SLC25A41: variants seen among roughly 807,000 people sequenced by gnomAD.
SLC25A41 encodes mitochondrial carrier protein SCaMC-3L.
In SLC25A41, 35 loss-of-function variants were observed where a neutral mutation model predicts 34.7. That is an observed-to-expected ratio of 1.01 (90% CI 0.77 to 1.34). SLC25A41 has a LOEUF of 1.34. SLC25A41 is among the 40% of genes most tolerant of loss of function. SLC25A41 has a pLI of 0.00. For missense variants in SLC25A41, 492 were observed against 489.8 expected (o/e 1.00, Z -0.04); for synonymous variants, 190 against 209.9 (o/e 0.91, Z 0.82).
In SLC25A41 at chr19:6,427,206, G is replaced by A. The variant is rs2092246125; in HGVS notation, c.837C>T (p.Asp279=). 2 of 1,612,586 alleles carry A rather than the reference G, an allele frequency of 1.2e-6. No individual in the cohort carries two copies. Among genetic ancestry groups the A allele is most frequent in the African/African-American group, 1.3e-5 (1 of 74,928 alleles). The change falls in exon 6 of 7, where the codon GAC becomes GAT. Residue 279 remains aspartate, a synonymous_variant. Coordinates refer to ENST00000321510, the MANE Select transcript of SLC25A41 (RefSeq NM_173637.4). The surrounding 1 kb of genome is among the most constrained non-coding windows in gnomAD (Gnocchi z 4.9). The stretch of plus-strand genomic sequence containing the variant: ...ACGACAGACTGACCAGGCCACTGGG[G>A]TCCCCCATATCCCTGCCTGACTTCA... The part of the protein sequence containing the change: ...FWVKSGRDMG[D]PSGLVSLSSV...
upstream of SLC25A41, among the ~76,000 whole-genome samples, chr19:6,434,442 G>A (rs773833951): frequency 1.3e-5 from 2 of 152,156 alleles, no homozygotes; most frequent in Non-Finnish European, 2.9e-5. Flanking sequence ...GGCATGGCAG[G>A]AAGAAATCCC....
At position 6,427,595 on chromosome 19, in the gene SLC25A41, T is replaced by C. The variant is rs1430495069; in HGVS notation, c.625-94A>G. The C allele has an allele frequency of 1.5e-6, 2 of 1,352,250 alleles. No individual in the cohort carries two copies. The highest frequency in any genetic ancestry group is 1.9e-6 in the Non-Finnish European group (2 of 1,030,262). 83.8% of individuals were successfully genotyped at this position (1,352,250 alleles called of 1,614,324 possible). On this transcript the variant is annotated intron_variant, in intron 4 of 6. Transcript: ENST00000321510. This position sits in a 1 kb window ranked among gnomAD's most constrained non-coding sequence, Gnocchi z 4.9. ...GTCCCCACCCTACAAACAAGGAAAA[T>C]GAGGCTCAGGAAGGCAAAGAGCTGG...
chr19:6,435,592 C>T (rs111886400), upstream of SLC25A41, among the ~76,000 whole-genome samples: 8,647 of 152,108 alleles, frequency 0.057, 457 homozygotes, highest in African/African-American at 0.14. Context: ...TGTGGTGGTG[C>T]ATACCTGTAA....
Position 6,430,030 on chromosome 19 carries a change from G to T in SLC25A41, c.495C>A (p.Ile165=). Residue 165 remains isoleucine (I), a synonymous_variant, in exon 3 of 7, where the codon ATC becomes ATA. Transcript: ENST00000321510. The part of the protein sequence containing the change: ...NVLKIAPEYA[I]KFSVFEQCKN... ...CCACCTGCTCGAATACGGAGAACTTGATGGCATACTCAGGAGCAATCTTGA... is the reference window on the plus strand; with the variant it reads ...CCACCTGCTCGAATACGGAGAACTTTATGGCATACTCAGGAGCAATCTTGA... 3.1e-6 allele frequency: 5 copies of T among 1,612,574 alleles called. No individual in the cohort carries two copies. The highest frequency in any genetic ancestry group is 4.2e-6 in the Non-Finnish European group (5 of 1,179,290).
rs780328951 is a variant in SLC25A41, at chr19:6,430,136, G to C, written c.389C>G (p.Thr130Ser). Residue 130 changes from threonine to serine, a missense_variant, in exon 3 of 7, where the codon ACC becomes AGC. Thr to Ser is a moderately conservative substitution (Grantham distance 58). Coordinates refer to ENST00000321510, the MANE Select transcript of SLC25A41 (RefSeq NM_173637.4). ...GCTCTGTAGCCCCCCCAGCAGGTTG[G>C]TGAAGTTCGTCTTGGAGGAGTAGAC... Reference protein sequence around the residue: ...MQVYSSKTNFTNLLGGLQSMV... With the variant: ...MQVYSSKTNFSNLLGGLQSMV... 1.2e-5 allele frequency: 20 copies of C among 1,612,912 alleles called. No individual in the cohort carries two copies. Among genetic ancestry groups the C allele is most frequent in the African/African-American group, 4.0e-5 (3 of 74,896 alleles).
chr19:6,432,565 A>G (rs188689567), intron 1 of SLC25A41, among the ~76,000 whole-genome samples: 1,532 of 141,588 alleles, frequency 0.011, 18 homozygotes, highest in South Asian at 0.03. Flanking sequence ...CAAGTGATTC[A>G]ACCCTCCCCC....
At chr19:6,429,026 T>TATATATATATATATATATA (rs1568349255) in intron 4 of SLC25A41, among the ~76,000 whole-genome samples, 2 of 33,098 alleles carry the variant, frequency 6.0e-5, no homozygotes, top group African/African-American at 4.2e-4. Flanking sequence ...TGAAAATTTA[T>TATATATATATATATATATA]ATATATATAT....
In SLC25A41 at chr19:6,427,785, G is replaced by C. The variant is rs192735390; in HGVS notation, c.625-284C>G. On this transcript the variant is annotated intron_variant, in intron 4 of 6. Coordinates refer to ENST00000321510, the MANE Select transcript of SLC25A41 (RefSeq NM_173637.4). This position sits in a 1 kb window ranked among gnomAD's most constrained non-coding sequence, Gnocchi z 4.9. ...GAGGATCGCTTGAGGCCGGGAGTTC[G>C]AGACCAGCCTGGGCAACATAGCGAG... 3.5e-4 allele frequency among the ~76,000 whole-genome samples: 53 copies of C among 152,242 alleles called. 1 individual carries two copies. Among genetic ancestry groups the C allele is most frequent in the Non-Finnish European group, 6.9e-4 (47 of 68,010 alleles).
Position 6,432,088 on chromosome 19 carries a change from C to G in SLC25A41, c.324G>C (p.Thr108=), listed in dbSNP as rs772862239. The part of the protein sequence containing the change: ...SGAMAGAVSR[T]GTAPLDRAKV... ...TGGCTCTGTCCAGAGGTGCCGTGCC[C>G]GTGCGAGACACCGCCCCGGCCATAG... The change falls in exon 2 of 7, where the codon ACG becomes ACC. Residue 108 remains threonine (T), a synonymous_variant. Coordinates refer to ENST00000321510, the MANE Select transcript of SLC25A41 (RefSeq NM_173637.4). 1.9e-6 allele frequency: 3 copies of G among 1,613,812 alleles called. No individual in the cohort carries two copies. The highest frequency in any genetic ancestry group is 2.2e-5 in the East Asian group (1 of 44,876).
intron 1 of SLC25A41, 31 bp downstream of exon 1, chr19:6,433,456 G>A (rs367568888): frequency 9.3e-6 from 15 of 1,604,358 alleles, no homozygotes; most frequent in Non-Finnish European, 1.3e-5. Flanking sequence ...CTGACCAGAG[G>A]TGCCGGGACA....
At position 6,426,321 on chromosome 19, in the gene SLC25A41, T is replaced by C. The variant is rs912494911; in HGVS notation, c.*68A>G. On this transcript the variant is annotated 3_prime_UTR_variant, in exon 7 of 7. Transcript: ENST00000321510. Reference sequence around the variant, plus strand: ...CTGAACCTTGAGGCCTCGAGGGCTCTTTGGGGCCAGGGGTCATCAGGTCCT... The same window carrying C: ...CTGAACCTTGAGGCCTCGAGGGCTCCTTGGGGCCAGGGGTCATCAGGTCCT... 3 of 1,378,698 alleles carry C rather than the reference T, an allele frequency of 2.2e-6. No homozygotes were observed. The highest frequency in any genetic ancestry group is 2.1e-5 in the Admixed American group (1 of 47,452). The allele number at this position is 1,378,698 out of a possible 1,614,324, so 85.4% of individuals were successfully genotyped here.
chr19:6,428,958 C>T (rs2092257136), intron 4 of SLC25A41, among the ~76,000 whole-genome samples: 2 of 130,240 alleles, frequency 1.5e-5, no homozygotes, highest in African/African-American at 5.7e-5. Context: ...GCAAGCAGTC[C>T]TCCCAGCTCA....
In SLC25A41 at chr19:6,432,701, G is replaced by A. The variant is rs115931037; in HGVS notation, c.208-497C>T. ...TGTCCCCCTGGTTCAAGCGATTCTCGTGTCTCAGCTTCCCAAGTAGGGACA... is the reference window on the plus strand; with the variant it reads ...TGTCCCCCTGGTTCAAGCGATTCTCATGTCTCAGCTTCCCAAGTAGGGACA... On this transcript the variant is annotated intron_variant, in intron 1 of 6. Coordinates refer to ENST00000321510, the MANE Select transcript of SLC25A41 (RefSeq NM_173637.4). 8.6e-3 allele frequency among the ~76,000 whole-genome samples: 1,303 copies of A among 151,098 alleles called. 15 individuals carry two copies. The highest frequency in any genetic ancestry group is 0.028 in the African/African-American group (1,171 of 41,136).
In SLC25A41 at chr19:6,427,700, A is replaced by T. The variant is rs2092250288; in HGVS notation, c.625-199T>A. Among the ~76,000 whole-genome samples the T allele has an allele frequency of 6.6e-6, 1 of 152,236 alleles. No individual in the cohort carries two copies. On this transcript the variant is annotated intron_variant, in intron 4 of 6. Coordinates refer to ENST00000321510, the MANE Select transcript of SLC25A41 (RefSeq NM_173637.4). This position sits in a 1 kb window ranked among gnomAD's most constrained non-coding sequence, Gnocchi z 4.9. ...TGAAGCACAAATGCTGGCAAAGGCC[A>T]AGAGAGTGAGGGAAGAAGGCTCACG... is the stretch of plus-strand genomic sequence containing the variant.
upstream of SLC25A41, among the ~76,000 whole-genome samples, chr19:6,435,727 T>G (rs950726392): frequency 6.6e-6 from 1 of 152,062 alleles, no homozygotes; most frequent in Non-Finnish European, 1.5e-5. Flanking sequence ...TGTGGTCATG[T>G]GCACCTGTAG....
In SLC25A41 at chr19:6,433,645, T is replaced by G. The variant is rs1201452033; in HGVS notation, c.49A>C (p.Thr17Pro). 1 of 1,600,456 alleles carries G rather than the reference T, an allele frequency of 6.2e-7. No homozygotes were observed. The highest frequency in any genetic ancestry group is 1.1e-5 in the South Asian group (1 of 89,766). Residue 17 changes from threonine (T) to proline (P), a missense_variant, in exon 1 of 7, where the codon ACA becomes CCA. Coordinates refer to ENST00000321510, the MANE Select transcript of SLC25A41 (RefSeq NM_173637.4). Reference sequence around the variant, plus strand: ...AAGGTCTTGACCCTCCTAAACAGTGTCTGGATCCTAGAGCAAGTGTTCTGA... The same window carrying G: ...AAGGTCTTGACCCTCCTAAACAGTGGCTGGATCCTAGAGCAAGTGTTCTGA... ...EPQNTCSRIQ[T>P]LFRRVKTLLI...
chr19:6,434,133 C>T (rs969611604), upstream of SLC25A41, among the ~76,000 whole-genome samples: 7 of 152,002 alleles, frequency 4.6e-5, no homozygotes, highest in African/African-American at 7.2e-5. Flanking sequence ...TTAGTAGAGA[C>T]GGGGTTTCAC....
chr19:6,435,628 G>A (rs1335306669), upstream of SLC25A41, among the ~76,000 whole-genome samples: 2 of 151,936 alleles, frequency 1.3e-5, no homozygotes, highest in Admixed American at 6.6e-5. Context: ...AGGCTGAGGC[G>A]GGAGGATCAC....
Position 6,427,618 on chromosome 19 carries a change from T to C in SLC25A41, c.625-117A>G. ...AATGAGGCTCAGGAAGGCAAAGAGC[T>C]GGGTTTCAGACCCGGATCTGTCAGA... is the stretch of plus-strand genomic sequence containing the variant. On this transcript the variant is annotated intron_variant, in intron 4 of 6. Transcript: ENST00000321510. This position sits in a 1 kb window ranked among gnomAD's most constrained non-coding sequence, Gnocchi z 4.9. The C allele has an allele frequency of 8.4e-7, 1 of 1,192,076 alleles. No homozygotes were observed. Among genetic ancestry groups the C allele is most frequent in the Non-Finnish European group, 1.1e-6 (1 of 890,836 alleles). 73.8% of individuals were successfully genotyped at this position (1,192,076 alleles called of 1,614,324 possible). A position where few individuals can be genotyped will look rare whatever the true frequency, so the allele number is the denominator to read the frequency against.
Sources: gnomAD v4.1 joint callset for allele counts (sites outside exome capture counted in the v4.1 genomes callset) on GRCh38, gnomAD v4.1.1 for gene constraint, Gnocchi (gnomAD v3.1) non-coding constraint, MANE v1.5 for transcripts, NCBI Gene and HGNC (gene_info 2026-07-23, HGNC 2026-07-21) for gene names.